VCL: variants seen among roughly 807,000 people sequenced by gnomAD.
VCL encodes vinculin.
Under a neutral mutation model 125.7 loss-of-function variants are expected in VCL, and 47 were observed. The observed-to-expected ratio is 0.37, with a 90% confidence interval of 0.30 to 0.48. The LOEUF is 0.48. Among genes scored for constraint, VCL ranks in the 20% least tolerant of loss-of-function variants. The pLI, the probability that VCL is intolerant of heterozygous loss-of-function variation, is 0.99. For missense variants in VCL, 1,069 were observed against 1,455.5 expected, an observed-to-expected ratio of 0.73 and a Z score of 4.32; for synonymous variants, 458 against 514.6, an observed-to-expected ratio of 0.89 and a Z score of 1.49.
At chr10:74,043,294 C>G in intron 2 of VCL, 141 bp downstream of exon 2, 1 of 756,874 alleles carries the variant, frequency 1.3e-6, no homozygotes, top group South Asian at 1.7e-5. Context: ...TGTCTTCTAA[C>G]TTTTTTAAAA....
chr10:74,012,034 A>C (rs1317447995), intron 1 of VCL, among the ~76,000 whole-genome samples: 1 of 152,240 alleles, frequency 6.6e-6, no homozygotes, highest in Non-Finnish European at 1.5e-5. Flanking sequence ...AGTCAAAGTC[A>C]TTCCTTCTTT....
intron 1 of VCL, among the ~76,000 whole-genome samples, chr10:74,026,410 A>G (rs1840773539): frequency 6.6e-6 from 1 of 152,212 alleles, no homozygotes; most frequent in Non-Finnish European, 1.5e-5. Context: ...AGGCAAATTG[A>G]CAAACTTCTC....
intron 1 of VCL, among the ~76,000 whole-genome samples, chr10:74,016,545 C>T (rs943272325): frequency 4.6e-5 from 7 of 151,976 alleles, no homozygotes; most frequent in African/African-American, 1.2e-4. Flanking sequence ...GGAGATCGTG[C>T]CACTGCCCTC....
rs1400828758 is a variant in VCL at position 74,114,871 on chromosome 10, CCAA to C, written c.3233_3235del (p.Asn1078del). On this transcript the variant is annotated inframe_deletion, in exon 21 of 22. Coordinates refer to ENST00000211998, the MANE Select transcript of VCL (RefSeq NM_014000.3). ...GTGAAGGCCACCATGCTGGGCCGGA[CCAA>C]CATCAGTGATGAGGAGTCTGAGCAG... The C allele has an allele frequency of 6.2e-7, 1 of 1,602,088 alleles. No individual in the cohort carries two copies. Among genetic ancestry groups the C allele is most frequent in the Admixed American group, 1.7e-5 (1 of 58,154 alleles).
At chr10:74,032,664 T>C (rs937718441) in intron 1 of VCL, among the ~76,000 whole-genome samples, 5 of 149,918 alleles carry the variant, frequency 3.3e-5, no homozygotes, top group Admixed American at 6.7e-5. Flanking sequence ...TGCACCACTG[T>C]ACTCCGGCCT....
chr10:74,028,677 G>T (rs1026021444), intron 1 of VCL, among the ~76,000 whole-genome samples: 2 of 152,104 alleles, frequency 1.3e-5, no homozygotes, highest in South Asian at 2.1e-4. Flanking sequence ...GATTACAGGC[G>T]TGAGCTATGG....
intron 1 of VCL, among the ~76,000 whole-genome samples, chr10:74,036,359 C>T (rs555312840): frequency 2.6e-5 from 4 of 152,086 alleles, no homozygotes; most frequent in South Asian, 2.1e-4. Flanking sequence ...CCCACCATCA[C>T]GCCCGGCCAA....
chr10:74,100,628 A>C (rs567417827), intron 13 of VCL, among the ~76,000 whole-genome samples: 9 of 152,312 alleles, frequency 5.9e-5, no homozygotes, highest in Middle Eastern at 3.4e-3. Context: ...TTTAGTCTTC[A>C]CATTCAGCAA....
intron 4 of VCL, 133 bp from the exon 5 acceptor site, chr10:74,072,597 T>C: frequency 8.0e-7 from 1 of 1,252,544 alleles, no homozygotes; most frequent in South Asian, 1.3e-5. Context: ...AGTTCAGTGA[T>C]GGTGTCTGTT....
chr10:74,053,334 T>G lies in VCL; in HGVS notation c.239+10181T>G, dbSNP rs1157973878. ...CTTTTCTAAGAAATTACCAATTTTA[T>G]CCAACCTTCCAATTTATTAGCATAA... On this transcript the variant is annotated intron_variant, in intron 2 of 21. Coordinates refer to ENST00000211998, the MANE Select transcript of VCL (RefSeq NM_014000.3). Among the ~76,000 whole-genome samples the G allele has an allele frequency of 2.0e-5, 3 of 152,180 alleles. No homozygotes were observed. In the East Asian group the frequency reaches 5.8e-4, roughly 29 times the overall value.
chr10:74,039,502 G>C (rs1841052470), intron 1 of VCL, among the ~76,000 whole-genome samples: 2 of 151,944 alleles, frequency 1.3e-5, no homozygotes, highest in South Asian at 2.1e-4. Flanking sequence ...AGAAAATCAG[G>C]CCAGGCGTGG....
intron 13 of VCL, among the ~76,000 whole-genome samples, chr10:74,099,981 A>G (rs937867669): frequency 6.6e-6 from 1 of 152,214 alleles, no homozygotes; most frequent in Non-Finnish European, 1.5e-5. Flanking sequence ...TAGAGCCAGA[A>G]CTGATCTCCA....
chr10:74,085,756 C>G (rs923305067), intron 8 of VCL, among the ~76,000 whole-genome samples: 1 of 152,188 alleles, frequency 6.6e-6, no homozygotes, highest in African/African-American at 2.4e-5. Flanking sequence ...GGTCTACATA[C>G]AAACAGGGCT....
chr10:74,085,035 G>A (rs1488415001), intron 8 of VCL, among the ~76,000 whole-genome samples: 1 of 152,204 alleles, frequency 6.6e-6, no homozygotes, highest in African/African-American at 2.4e-5. Flanking sequence ...TCAGCCTCCT[G>A]AGTAGATAGA....
At chr10:74,015,846 G>A (rs374220133) in intron 1 of VCL, among the ~76,000 whole-genome samples, 1 of 151,756 alleles carries the variant, frequency 6.6e-6, no homozygotes, top group African/African-American at 2.4e-5. Flanking sequence ...CACCACATCA[G>A]GCTAATTTTT....
rs776129187 is a variant in VCL, at chr10:74,089,338, G to C, written c.1165G>C (p.Asp389His). ...AAAGCAGAGCATTGCAAAGAAGATC[G>C]ATGCTGCTCAGGTAGTCACAGTGAT... is the stretch of plus-strand genomic sequence containing the variant. ...NSKQSIAKKI[D>H]AAQNWLADPN... Residue 389 changes from aspartate (D) to histidine (H), a missense_variant, in exon 9 of 22, where the codon GAT becomes CAT. By Grantham distance (81) the Asp-to-His change is moderately conservative. Transcript: ENST00000211998. 1.2e-6 allele frequency: 2 copies of C among 1,613,986 alleles called. No homozygotes were observed. The highest frequency in any genetic ancestry group is 4.5e-5 in the East Asian group (2 of 44,882).
At position 74,082,332 on chromosome 10, in the gene VCL, C is replaced by G. The variant is rs1487950828; in HGVS notation, c.784-122C>G. ...TGGTGTGGTGACAATATTTTTAAGG[C>G]CTTCGTAGGACTGACTACCTTAGCT... On this transcript the variant is annotated intron_variant, in intron 6 of 21. Coordinates refer to ENST00000211998, the MANE Select transcript of VCL (RefSeq NM_014000.3). 3.2e-6 allele frequency: 3 copies of G among 951,898 alleles called. No homozygotes were observed. In the Admixed American group the frequency reaches 6.0e-5, roughly 19 times the overall value. 59.0% of individuals were successfully genotyped at this position (951,898 alleles called of 1,614,324 possible).
chr10:74,072,098 A>G (rs1841670676), intron 4 of VCL, among the ~76,000 whole-genome samples: 1 of 152,206 alleles, frequency 6.6e-6, no homozygotes, highest in African/African-American at 2.4e-5. Flanking sequence ...GCTTTAGAGA[A>G]TCACATAGCG....
intron 1 of VCL, among the ~76,000 whole-genome samples, chr10:74,032,694 G>A (rs1202610718): frequency 6.0e-5 from 5 of 83,106 alleles, no homozygotes; most frequent in African/African-American, 3.1e-4. Flanking sequence ...AGTAAGTCTC[G>A]GTCTCAAAAA....
Sources: allele counts gnomAD v4.1 joint callset (sites outside exome capture counted in the v4.1 genomes callset), GRCh38; gene constraint gnomAD v4.1.1; transcripts MANE v1.5; gene names NCBI Gene and HGNC (gene_info 2026-07-23, HGNC 2026-07-21).